Variants in PDE2A observed in about 807,000 individuals in gnomAD.
PDE2A encodes phosphodiesterase 2A, also known as cGMP-dependent 3',5'-cyclic phosphodiesterase.
In PDE2A, 53 loss-of-function variants were observed where a neutral mutation model predicts 133.6. The observed-to-expected ratio is 0.40, with a 90% CI of 0.32 to 0.50. The LOEUF (loss-of-function observed/expected upper bound fraction) is 0.50, where lower values mean the gene tolerates loss of function less well. PDE2A is among the 20% of genes least tolerant of loss of function. PDE2A has a pLI of 0.73. For synonymous variants in PDE2A, 491 were observed against 490.2 expected (o/e 1.00, Z -0.02); for missense variants, 796 against 1,232.4 (o/e 0.65, Z 5.30).
In PDE2A at chr11:72,590,466, C is replaced by T. The variant is rs1251750770; in HGVS notation, c.664G>A (p.Ala222Thr). 1.3e-6 allele frequency: 2 copies of T among 1,542,148 alleles called. No homozygotes were observed. The highest frequency in any genetic ancestry group is 1.7e-6 in the Non-Finnish European group (2 of 1,146,878). The change falls in exon 8 of 31, where the codon GCG (alanine) becomes ACG (threonine). Residue 222 changes from alanine (A) to threonine (T), a missense_variant. Coordinates refer to ENST00000334456, the MANE Select transcript of PDE2A (RefSeq NM_002599.5). The surrounding 1 kb of genome is among the most constrained non-coding windows in gnomAD (Gnocchi z 4.8). ...ATCTTGCGGTCGCGGTCGGTGTACGCCGCCCCGCCCTTCTGGTCTTCCGCC... is the reference window on the plus strand; with the variant it reads ...ATCTTGCGGTCGCGGTCGGTGTACGTCGCCCCGCCCTTCTGGTCTTCCGCC... ...GTAEDQKGGAAYTDRDRKILQ... is the reference protein window; with the variant it reads ...GTAEDQKGGATYTDRDRKILQ...
chr11:72,614,154 C>T (rs1050393575), intron 2 of PDE2A, among the ~76,000 whole-genome samples: 1 of 152,238 alleles, frequency 6.6e-6, no homozygotes, highest in Non-Finnish European at 1.5e-5. Context: ...GGTTCCTCCT[C>T]CTTCCTCCCC....
Position 72,578,997 on chromosome 11 carries a change from C to A in PDE2A, c.2369G>T (p.Arg790Leu). ...LQKMAEVGYD[R>L]NNKQHHRLLL... ...AAGTCTGTGGTGCTGCTTGTTGTTT[C>A]GGTCGTAGCCCACTGTTGAGGGGAG... Residue 790 changes from arginine to leucine, a missense_variant, in exon 28 of 31, where the codon CGA becomes CTA. Coordinates refer to ENST00000334456, the MANE Select transcript of PDE2A (RefSeq NM_002599.5). This position sits in a 1 kb window ranked among gnomAD's most constrained non-coding sequence, Gnocchi z 4.2. The A allele has an allele frequency of 1.9e-6, 3 of 1,612,270 alleles. No individual in the cohort carries two copies. The African/African-American group carries it at 4.0e-5, about 22-fold the overall frequency.
At chr11:72,606,972 T>C (rs1856995367) in intron 3 of PDE2A, among the ~76,000 whole-genome samples, 1 of 152,128 alleles carries the variant, frequency 6.6e-6, no homozygotes, top group Non-Finnish European at 1.5e-5. Flanking sequence ...CCACAATGGG[T>C]GCTGATGAGG....
At chr11:72,640,448 C>A (rs1730767977) in intron 2 of PDE2A, among the ~76,000 whole-genome samples, 1 of 152,064 alleles carries the variant, frequency 6.6e-6, no homozygotes, top group Non-Finnish European at 1.5e-5. Context: ...CACTTGTCAA[C>A]TGGCTCCTCA....
At chr11:72,584,441 C>T (rs770342559) in intron 18 of PDE2A, 110 bp downstream of exon 18, 9 of 1,366,410 alleles carry the variant, frequency 6.6e-6, no homozygotes, top group Admixed American at 2.0e-5. Flanking sequence ...ACCCGACTCC[C>T]TTATGCTCCG....
At chr11:72,582,402 A>G in intron 21 of PDE2A, 42 bp downstream of exon 21, 1 of 1,597,996 alleles carries the variant, frequency 6.3e-7, no homozygotes, top group Admixed American at 1.7e-5. Context: ...CTCTGGCTAC[A>G]TACCTTCGGC....
In PDE2A at chr11:72,580,585, C is replaced by T. The variant is rs1250070950; in HGVS notation, c.2173G>A (p.Val725Ile). Residue 725 changes from valine (V) to isoleucine (I), a missense_variant, in exon 25 of 31, where the codon GTC becomes ATC. By Grantham distance (29) the Val-to-Ile change is conservative. Around this residue, in one of 7 missense-constraint regions of PDE2A, gnomAD observed 218 missense variants for 465.9 expected, o/e 0.47. Coordinates refer to ENST00000334456, the MANE Select transcript of PDE2A (RefSeq NM_002599.5). ...LAALYSSEGSVMERHHFAQAI... is the reference protein window; with the variant it reads ...LAALYSSEGSIMERHHFAQAI... ...GGACAGAAGAGTGATACCTCCATGA[C>T]GGAGCCCTCAGAGCTGTAGAGCGCA... 6.4e-7 allele frequency: 1 copy of T among 1,568,360 alleles called. No homozygotes were observed. Among genetic ancestry groups the T allele is most frequent in the Admixed American group, 1.9e-5 (1 of 51,908 alleles).
intron 2 of PDE2A, among the ~76,000 whole-genome samples, chr11:72,631,606 T>A (rs1858386067): frequency 6.6e-6 from 1 of 151,754 alleles, no homozygotes; most frequent in African/African-American, 2.4e-5. Context: ...GTGCTGTGAG[T>A]CTCAAATGAA....
chr11:72,662,368 G>A (rs1046956119), intron 1 of PDE2A, among the ~76,000 whole-genome samples: 8 of 152,120 alleles, frequency 5.3e-5, no homozygotes, highest in Admixed American at 2.6e-4. Context: ...TCACTGACTC[G>A]CCTCCCAGGG....
At chr11:72,587,193 A>G (rs947990538) in intron 13 of PDE2A, among the ~76,000 whole-genome samples, 1 of 152,118 alleles carries the variant, frequency 6.6e-6, no homozygotes, top group Non-Finnish European at 1.5e-5. Flanking sequence ...CCATGACTAT[A>G]TCACCCATGC....
intron 1 of PDE2A, among the ~76,000 whole-genome samples, chr11:72,660,869 G>A (rs1047512826): frequency 5.3e-5 from 8 of 151,972 alleles, no homozygotes; most frequent in East Asian, 1.9e-4. Context: ...TGTGAGCTCC[G>A]AGAGGTGGCA....
At chr11:72,620,844 A>C (rs940175467) in intron 2 of PDE2A, among the ~76,000 whole-genome samples, 2 of 151,648 alleles carry the variant, frequency 1.3e-5, no homozygotes, top group African/African-American at 4.8e-5. Flanking sequence ...ATCGCTGACA[A>C]CACCAAGCAG....
intron 16 of PDE2A, 170 bp from the exon 17 acceptor site, chr11:72,585,114 GTTTTT>G: frequency 5.1e-6 from 3 of 593,888 alleles, no homozygotes; most frequent in East Asian, 2.9e-5. Flanking sequence ...CAAGTGTTTT[GTTTTT>G]TTTTTTTTTT....
At chr11:72,671,311 TGTTGAGTG>T (rs1344980721) in intron 1 of PDE2A, among the ~76,000 whole-genome samples, 1 of 152,206 alleles carries the variant, frequency 6.6e-6, no homozygotes, top group Non-Finnish European at 1.5e-5. Context: ...GAGAAGTTCC[TGTTGAGTG>T]GTTGAATGAA....
At chr11:72,665,765 G>A (rs1855215875) in intron 1 of PDE2A, among the ~76,000 whole-genome samples, 1 of 152,080 alleles carries the variant, frequency 6.6e-6, no homozygotes. Context: ...CTTTCCCTAA[G>A]GGACTGCCCT....
intron 12 of PDE2A, 77 bp from the exon 13 acceptor site, chr11:72,588,991 G>T: frequency 6.7e-7 from 1 of 1,485,370 alleles, no homozygotes. Flanking sequence ...ATCACATTTT[G>T]CAACAGGCAG....
At chr11:72,664,957 C>A (rs1412479227) in intron 1 of PDE2A, among the ~76,000 whole-genome samples, 2 of 152,106 alleles carry the variant, frequency 1.3e-5, no homozygotes, top group Non-Finnish European at 2.9e-5. Context: ...CAGGCATCCA[C>A]CACCACGCCC....
chr11:72,657,221 C>T (rs1454426447), intron 1 of PDE2A, among the ~76,000 whole-genome samples: 4 of 152,160 alleles, frequency 2.6e-5, no homozygotes, highest in African/African-American at 9.7e-5. Flanking sequence ...CTGTCCCCCA[C>T]CTCACTCAGC....
At chr11:72,603,185 G>C (rs1174556709) in intron 4 of PDE2A, among the ~76,000 whole-genome samples, 4 of 152,084 alleles carry the variant, frequency 2.6e-5, no homozygotes, top group Admixed American at 2.6e-4. Context: ...TCATCCCCTG[G>C]CCCTCCTCCT....
Sources: gnomAD v4.1 joint callset for allele counts (sites outside exome capture counted in the v4.1 genomes callset) on GRCh38, gnomAD v4.1.1 for gene constraint, gnomAD v4.1.1 regional missense constraint, Gnocchi (gnomAD v3.1) non-coding constraint, MANE v1.5 for transcripts, NCBI Gene and HGNC (gene_info 2026-07-23, HGNC 2026-07-21) for gene names.